AXIN1: variants seen among roughly 807,000 people sequenced by gnomAD.
AXIN1 encodes axin 1, also known as axin-1.
Under a neutral mutation model 76.4 loss-of-function variants are expected in AXIN1, and 30 were observed. The observed-to-expected ratio is 0.39, with a 90% CI of 0.29 to 0.53. The LOEUF (loss-of-function observed/expected upper bound fraction) is 0.53. Among genes scored for constraint, AXIN1 ranks in the 20% least tolerant of loss-of-function variants. The probability of loss-of-function intolerance (pLI) is 0.66; values close to 1 mark genes in which losing one functional copy is unlikely to be tolerated. For synonymous variants in AXIN1, 545 were observed against 501.4 expected (o/e 1.09, Z -1.16); for missense variants, 1,140 against 1,198.8 (o/e 0.95, Z 0.72).
At chr16:344,966 G>C (rs180739095) in intron 2 of AXIN1, among the ~76,000 whole-genome samples, 18 of 152,306 alleles carry the variant, frequency 1.2e-4, no homozygotes, top group African/African-American at 4.3e-4. Flanking sequence ...TCGGAGTCTT[G>C]ATTAGGTCAG....
chr16:348,504 C>T (rs966155294), intron 1 of AXIN1, among the ~76,000 whole-genome samples: 1 of 152,196 alleles, frequency 6.6e-6, no homozygotes, highest in African/African-American at 2.4e-5. Context: ...GCTGGAAGCA[C>T]GAAGGATCCA....
chr16:299,434 C>A (rs899150896), intron 5 of AXIN1, among the ~76,000 whole-genome samples: 1 of 152,020 alleles, frequency 6.6e-6, no homozygotes, highest in African/African-American at 2.4e-5. Context: ...CTCACTGCAA[C>A]CTCCACCTCC....
At chr16:318,639 C>A (rs931161550) in intron 2 of AXIN1, among the ~76,000 whole-genome samples, 1 of 152,156 alleles carries the variant, frequency 6.6e-6, no homozygotes, top group African/African-American at 2.4e-5. Context: ...GATCCAGTGG[C>A]GGGAGGGGCA....
intron 6 of AXIN1, among the ~76,000 whole-genome samples, 180 bp downstream of exon 6, chr16:297,542 C>T (rs1291466734): frequency 1.3e-5 from 2 of 152,178 alleles, no homozygotes; most frequent in South Asian, 2.1e-4. Flanking sequence ...CTTCATCTCC[C>T]ACCTGAGGTC....
chr16:297,788 GC>G lies in AXIN1; in HGVS notation c.1717del (p.Ala573GlnfsTer132). On this transcript the variant is annotated frameshift_variant, in exon 6 of 11. Coordinates refer to ENST00000262320, the MANE Select transcript of AXIN1 (RefSeq NM_003502.4). LOFTEE classifies it high-confidence loss of function. Reference sequence around the variant, plus strand: ...ACTCTCTGAGTAGCCTCGGGACCTTGCCCCATGGCTGTGTGGTTCCAGGCCC... The same window carrying G: ...ACTCTCTGAGTAGCCTCGGGACCTTGCCCATGGCTGTGTGGTTCCAGGCCC... ...AWGLEPHSHG[A>X]RSRGYSESVG... 6.4e-7 allele frequency: 1 copy of G among 1,566,822 alleles called. No homozygotes were observed.
At chr16:351,550 C>A (rs1202932975) in intron 1 of AXIN1, among the ~76,000 whole-genome samples, 2 of 151,814 alleles carry the variant, frequency 1.3e-5, no homozygotes, top group Non-Finnish European at 2.9e-5. Context: ...GCGGAGGTTG[C>A]AGTGAGCCAA....
intron 5 of AXIN1, chr16:299,023 T>G: frequency 1.0e-6 from 1 of 960,466 alleles, no homozygotes; most frequent in African/African-American, 1.8e-5. Flanking sequence ...CACCTCGGCC[T>G]CCCAAAGTGT....
intron 2 of AXIN1, among the ~76,000 whole-genome samples, chr16:340,705 G>A (rs886427302): frequency 1.3e-5 from 2 of 152,256 alleles, no homozygotes; most frequent in African/African-American, 4.8e-5. Context: ...CAGAGGCAGA[G>A]CGGGGGAGCC....
At chr16:348,904 C>A (rs1404442824) in intron 1 of AXIN1, among the ~76,000 whole-genome samples, 1 of 151,886 alleles carries the variant, frequency 6.6e-6, no homozygotes, top group African/African-American at 2.4e-5. Context: ...CGAGACCATC[C>A]TGGCTAACAC....
At chr16:319,366 G>A (rs375505659) in intron 2 of AXIN1, among the ~76,000 whole-genome samples, 2 of 152,112 alleles carry the variant, frequency 1.3e-5, no homozygotes, top group African/African-American at 2.4e-5. Flanking sequence ...GAGAAGACAC[G>A]GTGACTTAGG....
At chr16:346,124 G>T in intron 2 of AXIN1, 24 bp downstream of exon 2, 1 of 1,609,272 alleles carries the variant, frequency 6.2e-7, no homozygotes. Flanking sequence ...AGTACAGAAA[G>T]TGGACGCCTG....
intron 2 of AXIN1, among the ~76,000 whole-genome samples, chr16:326,354 CAAAA>C (rs1187459071): frequency 0.056 from 3,610 of 63,944 alleles, 96 homozygotes; most frequent in Middle Eastern, 0.09. Flanking sequence ...AACTCCGTCT[CAAAA>C]AAAAAAAAAA....
chr16:320,714 C>CGT (rs199984043), intron 2 of AXIN1, among the ~76,000 whole-genome samples: 140 of 132,528 alleles, frequency 1.1e-3, no homozygotes, highest in South Asian at 3.3e-3. Context: ...TACGTATATG[C>CGT]GTGTGTGTGT....
chr16:352,408 G>A lies in AXIN1; in HGVS notation c.-121C>T. 1.2e-6 allele frequency: 1 copy of A among 849,096 alleles called. No homozygotes were observed. The highest frequency in any genetic ancestry group is 1.3e-6 in the Non-Finnish European group (1 of 770,114). 52.6% of individuals were successfully genotyped at this position (849,096 alleles called of 1,614,324 possible). On this transcript the variant is annotated 5_prime_UTR_variant, in exon 1 of 11. Transcript: ENST00000262320. ...GGCGGGACCCCGGGCCCGGCTCCCG[G>A]AGCGGCGCGGCGCGGTCCGGGCCCA...
At position 291,234 on chromosome 16, in the gene AXIN1, C is replaced by T. The variant is rs2141476140; in HGVS notation, c.2250G>A (p.Leu750=). Residue 750 remains leucine, a synonymous_variant, in exon 9 of 11, where the codon CTG becomes CTA. Coordinates refer to ENST00000262320, the MANE Select transcript of AXIN1 (RefSeq NM_003502.4). ...ACVRPACAPV[L]HVVPAVSDME... ...TGTCCGACACGGCTGGTACCACGTG[C>T]AGCACCGGCGCGCACGCTGGCCTGA... 4 of 1,588,466 alleles carry T rather than the reference C, an allele frequency of 2.5e-6. No individual in the cohort carries two copies. Among genetic ancestry groups the T allele is most frequent in the Non-Finnish European group, 2.6e-6 (3 of 1,168,532 alleles).
intron 2 of AXIN1, among the ~76,000 whole-genome samples, chr16:332,660 A>C (rs1404556388): frequency 7.8e-6 from 1 of 127,938 alleles, no homozygotes; most frequent in Non-Finnish European, 1.6e-5. Flanking sequence ...TGTTGATCTA[A>C]ACCAAAAAAA....
At chr16:300,107 A>AT (rs1489850555) in intron 5 of AXIN1, among the ~76,000 whole-genome samples, 3 of 151,150 alleles carry the variant, frequency 2.0e-5, no homozygotes, top group Non-Finnish European at 4.4e-5. Context: ...GCCCAGCTAA[A>AT]TTTTTTGTAT....
chr16:349,992 T>C (rs1318517826), intron 1 of AXIN1, among the ~76,000 whole-genome samples: 1 of 152,172 alleles, frequency 6.6e-6, no homozygotes, highest in African/African-American at 2.4e-5. Flanking sequence ...TTTCACCACG[T>C]TGGCCAGGCT....
intron 2 of AXIN1, among the ~76,000 whole-genome samples, chr16:333,904 C>A: frequency 6.7e-6 from 1 of 150,124 alleles, no homozygotes. Flanking sequence ...CACCAGGTAC[C>A]ATAGCATGCC....
Sources: gnomAD v4.1 joint callset for allele counts (sites outside exome capture counted in the v4.1 genomes callset) on GRCh38, gnomAD v4.1.1 for gene constraint, MANE v1.5 for transcripts, NCBI Gene and HGNC (gene_info 2026-07-23, HGNC 2026-07-21) for gene names.